The following ALKBH8 variants were observed in gnomAD, a reference collection of about 807,000 sequenced individuals.
ALKBH8 encodes the protein tRNA (carboxymethyluridine(34)-5-O)-methyltransferase ALKBH8.
ALKBH8 carries 36 observed loss-of-function variants against 59.8 expected under a neutral mutation model. The observed-to-expected ratio is 0.60, with a 90% CI of 0.46 to 0.79. ALKBH8 has a LOEUF of 0.79. ALKBH8 is among the 30% of genes least tolerant of loss of function. The pLI, the probability that ALKBH8 is intolerant of heterozygous loss-of-function variation, is 0.00. For synonymous variants in ALKBH8, 276 were observed against 273.6 expected, an observed-to-expected ratio of 1.01 and a Z score of -0.09; for missense variants, 768 against 801.0, an observed-to-expected ratio of 0.96 and a Z score of 0.50.
At chr11:107,514,805 A>C (rs557437671) in intron 10 of ALKBH8, among the ~76,000 whole-genome samples, 8 of 152,324 alleles carry the variant, frequency 5.3e-5, no homozygotes, top group Middle Eastern at 3.4e-3. Flanking sequence ...GTCAACAGAA[A>C]GAAATCCAAC....
intron 10 of ALKBH8, among the ~76,000 whole-genome samples, chr11:107,513,971 T>C (rs1219150099): frequency 1.3e-5 from 2 of 152,070 alleles, no homozygotes; most frequent in Non-Finnish European, 2.9e-5. Flanking sequence ...GATGAAATAA[T>C]CTGTACACGG....
rs1280455722 is a variant in ALKBH8, at chr11:107,505,159, C to T, written c.1494G>A (p.Lys498=). The change falls in exon 12 of 12, where the codon AAG becomes AAA. Residue 498 remains lysine, a synonymous_variant. Coordinates refer to ENST00000428149, the MANE Select transcript of ALKBH8 (RefSeq NM_138775.3). ...EIVRLLRPGG[K]ALIYVWAMEQ... ...CCATTGCCCAGACATAAATGAGTGCCTTCCCACCTGGTCTCAGGAGTCGAA... is the reference window on the plus strand; with the variant it reads ...CCATTGCCCAGACATAAATGAGTGCTTTCCCACCTGGTCTCAGGAGTCGAA... The T allele has an allele frequency of 1.9e-6, 3 of 1,550,980 alleles. No individual in the cohort carries two copies. The highest frequency in any genetic ancestry group is 2.6e-6 in the Non-Finnish European group (3 of 1,146,776).
chr11:107,549,051 C>T (rs1247655199), intron 7 of ALKBH8, among the ~76,000 whole-genome samples: 1 of 152,016 alleles, frequency 6.6e-6, no homozygotes, highest in African/African-American at 2.4e-5. Context: ...CGGGGTTTCA[C>T]CGTGTTAGCC....
chr11:107,563,572 A>C (rs986393140), intron 1 of ALKBH8: 6 of 152,232 alleles, frequency 3.9e-5, no homozygotes. Flanking sequence ...GCAGCAGATC[A>C]AAATGGCTTA....
Position 107,560,909 on chromosome 11 carries a change from AAC to A in ALKBH8, c.-6-12_-6-11del. 1.9e-6 allele frequency: 3 copies of A among 1,603,034 alleles called. No homozygotes were observed. The highest frequency in any genetic ancestry group is 1.1e-5 in the South Asian group (1 of 89,686). On this transcript the variant is annotated splice_polypyrimidine_tract_variant and intron_variant, in intron 1 of 11. Transcript: ENST00000428149. ...TGCTGTCCATAGCAAACTGTAAAAA[AAC>A]AAGACAGTAAAAAAGTCAACCTTAA... is the stretch of plus-strand genomic sequence containing the variant.
intron 3 of ALKBH8, among the ~76,000 whole-genome samples, 193 bp downstream of exon 3, chr11:107,556,573 T>A (rs76470046): frequency 6.6e-6 from 1 of 152,172 alleles, no homozygotes. Flanking sequence ...TTGTATCTTA[T>A]TCACCTCTGT....
chr11:107,512,362 C>A (rs1252740107), intron 10 of ALKBH8, among the ~76,000 whole-genome samples: 6 of 151,888 alleles, frequency 4.0e-5, no homozygotes, highest in Non-Finnish European at 5.9e-5. Flanking sequence ...TACCTAAGCT[C>A]GAGTACAGTG....
intron 11 of ALKBH8, among the ~76,000 whole-genome samples, chr11:107,509,653 C>T (rs1862540878): frequency 1.3e-5 from 2 of 151,978 alleles, no homozygotes; most frequent in Admixed American, 6.6e-5. Flanking sequence ...GTCTTTGATC[C>T]ATTTTGAGGT....
intron 7 of ALKBH8, among the ~76,000 whole-genome samples, chr11:107,543,318 G>A (rs776090192): frequency 5.9e-5 from 9 of 152,080 alleles, no homozygotes; most frequent in Non-Finnish European, 1.2e-4. Context: ...CTGGACAACA[G>A]AGAGAGACTT....
intron 8 of ALKBH8, among the ~76,000 whole-genome samples, chr11:107,529,593 C>T (rs1427748442): frequency 6.6e-6 from 1 of 151,954 alleles, no homozygotes; most frequent in Non-Finnish European, 1.5e-5. Flanking sequence ...CAACCTCCGC[C>T]TCCCGGGTTC....
chr11:107,524,906 T>C (rs185980288), intron 9 of ALKBH8, among the ~76,000 whole-genome samples: 194 of 152,340 alleles, frequency 1.3e-3, no homozygotes, highest in Non-Finnish European at 4.6e-4. Context: ...CAGAACATGA[T>C]GTACTTGTAC....
At chr11:107,554,055 T>C in intron 3 of ALKBH8, 77 bp from the exon 4 acceptor site, 2 of 1,534,382 alleles carry the variant, frequency 1.3e-6, no homozygotes, top group South Asian at 2.4e-5. Context: ...CCAATAACTC[T>C]TTATCAGTTC....
intron 7 of ALKBH8, among the ~76,000 whole-genome samples, chr11:107,537,698 A>C (rs1431079658): frequency 7.1e-6 from 1 of 140,742 alleles, no homozygotes; most frequent in Non-Finnish European, 1.6e-5. Context: ...GTACCCCTGA[A>C]CTTAAAATAA....
intron 7 of ALKBH8, among the ~76,000 whole-genome samples, chr11:107,538,155 GT>G (rs1044322275): frequency 6.7e-6 from 1 of 149,362 alleles, no homozygotes; most frequent in African/African-American, 2.5e-5. Context: ...CAGATTTTCT[GT>G]TTTTTTTTAC....
chr11:107,517,858 G>A (rs1263474540), intron 10 of ALKBH8, among the ~76,000 whole-genome samples: 1 of 152,166 alleles, frequency 6.6e-6, no homozygotes, highest in Non-Finnish European at 1.5e-5. Context: ...GGTGACTGTA[G>A]TTAACAACAT....
At chr11:107,552,060 A>T (rs1864520924) in intron 5 of ALKBH8, 148 bp from the exon 6 acceptor site, 2 of 365,026 alleles carry the variant, frequency 5.5e-6, no homozygotes, top group South Asian at 1.3e-4. Context: ...AAACAAAATT[A>T]AAAAATAAAA....
chr11:107,521,994 C>CA (rs1168963609), intron 10 of ALKBH8, among the ~76,000 whole-genome samples: 2 of 151,588 alleles, frequency 1.3e-5, no homozygotes, highest in African/African-American at 4.8e-5. Context: ...GGATCCAAGC[C>CA]AAAAAATGAT....
At chr11:107,528,337 A>G (rs1321007534) in intron 8 of ALKBH8, among the ~76,000 whole-genome samples, 3 of 151,938 alleles carry the variant, frequency 2.0e-5, no homozygotes, top group Non-Finnish European at 4.4e-5. Context: ...AAAGTAGGAG[A>G]ATGGCTTTTT....
chr11:107,546,494 T>C (rs1214237492), intron 7 of ALKBH8, among the ~76,000 whole-genome samples: 1 of 152,162 alleles, frequency 6.6e-6, no homozygotes, highest in Non-Finnish European at 1.5e-5. Flanking sequence ...TCCTTGGATA[T>C]TTCCCTAAGC....
Sources: allele counts gnomAD v4.1 joint callset (sites outside exome capture counted in the v4.1 genomes callset), GRCh38; gene constraint gnomAD v4.1.1; transcripts MANE v1.5; gene names NCBI Gene and HGNC (gene_info 2026-07-23, HGNC 2026-07-21).